The following TASOR variants were observed in gnomAD, a reference collection of about 807,000 sequenced individuals.
The protein encoded by TASOR is transcription activation suppressor.
A neutral mutation model predicts 178.6 loss-of-function variants in TASOR; 53 were observed. The observed-to-expected ratio is 0.30, with a 90% CI of 0.24 to 0.37. The LOEUF is 0.37. TASOR is among the 10% of genes least tolerant of loss of function. The probability of loss-of-function intolerance (pLI) is 1.00; values close to 1 mark genes in which losing one functional copy is unlikely to be tolerated. For missense variants in TASOR, 1,815 were observed against 1,971.4 expected (o/e 0.92, Z 1.50); for synonymous variants, 713 against 696.2 (o/e 1.02, Z -0.38).
intron 15 of TASOR, 63 bp from the exon 16 acceptor site, chr3:56,640,193 CTGT>C: frequency 6.8e-7 from 1 of 1,479,788 alleles, no homozygotes; most frequent in Non-Finnish European, 9.2e-7. Context: ...CAAGAATAAA[CTGT>C]TTTTTCACTG....
chr3:56,622,421 A>G lies in TASOR; in HGVS notation c.*616T>C, dbSNP rs145805444. 946 of 152,670 alleles carry G rather than the reference A, an allele frequency of 6.2e-3. 11 individuals are homozygous for G. Among genetic ancestry groups the G allele is most frequent in the Middle Eastern group, 0.02 (6 of 294 alleles). 9.5% of individuals were successfully genotyped at this position (152,670 alleles called of 1,614,324 possible). A position where few individuals can be genotyped will look rare whatever the true frequency, so the allele number is the denominator to read the frequency against. On this transcript the variant is annotated 3_prime_UTR_variant, in exon 24 of 24. Transcript: ENST00000683822. ...TAAAAAATTTAATTTCATTAAATCAAGGATTGCGCAGGTACTGAAAATTAT... is the reference window on the plus strand; with the variant it reads ...TAAAAAATTTAATTTCATTAAATCAGGGATTGCGCAGGTACTGAAAATTAT...
chr3:56,639,711 C>T (rs1259760388), intron 16 of TASOR, among the ~76,000 whole-genome samples: 2 of 152,324 alleles, frequency 1.3e-5, no homozygotes, highest in South Asian at 2.1e-4. Context: ...CAACAGTCTT[C>T]ATTCAGCAGT....
chr3:56,642,353 A>G (rs2077142072), intron 14 of TASOR, among the ~76,000 whole-genome samples: 1 of 152,242 alleles, frequency 6.6e-6, no homozygotes, highest in African/African-American at 2.4e-5. Flanking sequence ...GAAACACGTT[A>G]AGACATGGTT....
At chr3:56,661,274 G>A (rs1023693102) in intron 9 of TASOR, among the ~76,000 whole-genome samples, 2 of 152,116 alleles carry the variant, frequency 1.3e-5, no homozygotes, top group Non-Finnish European at 2.9e-5. Flanking sequence ...AACCTCCAGG[G>A]CAGCTGGGAC....
At chr3:56,676,408 CTG>C in intron 1 of TASOR, among the ~76,000 whole-genome samples, 1 of 152,118 alleles carries the variant, frequency 6.6e-6, no homozygotes, top group Non-Finnish European at 1.5e-5. Context: ...TCATTCAAAC[CTG>C]TGTTATGGAA....
At position 56,638,711 on chromosome 3, in the gene TASOR, G is replaced by A. The variant is rs751206504; in HGVS notation, c.2819C>T (p.Thr940Ile). The change falls in exon 17 of 24, where the codon ACA becomes ATA. Residue 940 changes from threonine (T) to isoleucine (I), a missense_variant. Around this residue, in one of 5 missense-constraint regions of TASOR, gnomAD observed 655 missense variants for 671.1 expected, o/e 0.98. Coordinates refer to ENST00000683822, the MANE Select transcript of TASOR (RefSeq NM_001365635.2). ...DQLGKHGEKQTPGMKSPEEQL... is the reference protein window; with the variant it reads ...DQLGKHGEKQIPGMKSPEEQL... The stretch of plus-strand genomic sequence containing the variant: ...AGCAAAGCAAGCCTTCTCACCTGGT[G>A]TTTGTTTCTCACCATGTTTCCCCAG... 3 of 1,614,104 alleles carry A rather than the reference G, an allele frequency of 1.9e-6. No homozygotes were observed. The highest frequency in any genetic ancestry group is 8.5e-7 in the Non-Finnish European group (1 of 1,180,002).
chr3:56,654,362 C>A (rs2077423849), intron 11 of TASOR, among the ~76,000 whole-genome samples: 1 of 140,592 alleles, frequency 7.1e-6, no homozygotes, highest in South Asian at 2.6e-4. Flanking sequence ...AAGCCAAACC[C>A]CACAATTTAC....
At position 56,623,515 on chromosome 3, in the gene TASOR, C is replaced by G; in HGVS notation, c.4535G>C (p.Gly1512Ala). 1.6e-5 allele frequency: 25 copies of G among 1,609,062 alleles called. No individual in the cohort carries two copies. Among genetic ancestry groups the G allele is most frequent in the Non-Finnish European group, 2.1e-5 (25 of 1,179,206 alleles). ...TACTTCTATATGTGAGATTTCATCC[C>G]CTGAATCCAGAGACATATCCTCTTC... is the stretch of plus-strand genomic sequence containing the variant. Reference protein sequence around the residue: ...KDEEDMSLDSGDEISHIEVCS... With the variant: ...KDEEDMSLDSADEISHIEVCS... The change falls in exon 24 of 24, where the codon GGG becomes GCG. Residue 1512 changes from glycine (G) to alanine (A), a missense_variant. This residue lies in a region of TASOR where 278 missense variants were observed against 257.1 expected (regional missense o/e 1.08). Transcript: ENST00000683822.
In TASOR at chr3:56,660,566, A is replaced by G. The variant is rs1478046491; in HGVS notation, c.1368+165T>C. On this transcript the variant is annotated intron_variant, in intron 11 of 23. Coordinates refer to ENST00000683822, the MANE Select transcript of TASOR (RefSeq NM_001365635.2). The stretch of plus-strand genomic sequence containing the variant: ...GCTCCAATACCATGGCCCAAATAAA[A>G]GAATACCAGAACCACAGTAAAACAC... Among the ~76,000 whole-genome samples the G allele has an allele frequency of 4.6e-5, 7 of 152,176 alleles. No homozygotes were observed. The East Asian group carries it at 1.3e-3, about 29-fold the overall frequency.
Position 56,646,808 on chromosome 3 carries a change from T to A in TASOR, c.1929A>T (p.Glu643Asp). ...ATTTCATTTTTGTACCATTCATTTC[T>A]TCTTCTTGACCTTCATAATCTGAAA... ...SPLSDYEGQE[E>D]EMNGTKMKFG... The change falls in exon 14 of 24, where the codon GAA (glutamate) becomes GAT (aspartate). Residue 643 changes from glutamate to aspartate, a missense_variant. By Grantham distance (45) the Glu-to-Asp change is conservative (BLOSUM62 2). This residue lies in a region of TASOR where 504 missense variants were observed against 645.3 expected (regional missense o/e 0.78). Transcript: ENST00000683822. 6.2e-7 allele frequency: 1 copy of A among 1,613,426 alleles called. No individual in the cohort carries two copies. Among genetic ancestry groups the A allele is most frequent in the Non-Finnish European group, 8.5e-7 (1 of 1,179,878 alleles).
At chr3:56,660,134 T>A (rs576077014) in intron 11 of TASOR, among the ~76,000 whole-genome samples, 1 of 152,028 alleles carries the variant, frequency 6.6e-6, no homozygotes, top group African/African-American at 2.4e-5. Context: ...GTGCTGGGAT[T>A]ACAGGCGTGA....
At chr3:56,670,796 G>C (rs1578289035) in intron 3 of TASOR, among the ~76,000 whole-genome samples, 1 of 151,266 alleles carries the variant, frequency 6.6e-6, no homozygotes, top group East Asian at 2.0e-4. Context: ...AAATTAGCCG[G>C]GTGCGGTGGC....
intron 14 of TASOR, among the ~76,000 whole-genome samples, chr3:56,644,704 C>A (rs898722938): frequency 1.3e-5 from 2 of 151,996 alleles, no homozygotes; most frequent in Non-Finnish European, 2.9e-5. Flanking sequence ...GGTAGTAAGT[C>A]AGGAAGGCCA....
rs1258059719 is a variant in TASOR, at chr3:56,653,279, AAAAAAAAAAAG to A, written c.1369-4233_1369-4223del. On this transcript the variant is annotated intron_variant, in intron 11 of 23. Transcript: ENST00000683822. ...CTCCATCTCAAAAAAAAAAAAAAAAAAAAAAAAAAAGAAAAGACAAGCTAAAGAAAATGAGG... is the reference window on the plus strand; with the variant it reads ...CTCCATCTCAAAAAAAAAAAAAAAAAAAAAGACAAGCTAAAGAAAATGAGG... Among the ~76,000 whole-genome samples, 73 of 108,520 alleles carry A rather than the reference AAAAAAAAAAAG, an allele frequency of 6.7e-4. 6 individuals carry two copies. Among genetic ancestry groups the A allele is most frequent in the African/African-American group, 1.9e-3 (33 of 17,778 alleles). 71.2% of individuals were successfully genotyped at this position (108,520 alleles called of 152,430 possible).
intron 1 of TASOR, among the ~76,000 whole-genome samples, chr3:56,677,954 C>T (rs1365995572): frequency 6.6e-6 from 1 of 152,092 alleles, no homozygotes; most frequent in Admixed American, 6.6e-5. Flanking sequence ...GTCAGAAGAA[C>T]AGCTAAGTTG....
chr3:56,670,180 A>G, intron 3 of TASOR, 35 bp from the exon 4 acceptor site: 5 of 1,255,864 alleles, frequency 4.0e-6, no homozygotes, highest in Non-Finnish European at 5.5e-6. Context: ...TCTTGCAGTC[A>G]TAACAACATT....
chr3:56,642,496 G>C (rs763350234), intron 14 of TASOR, among the ~76,000 whole-genome samples: 80 of 152,136 alleles, frequency 5.3e-4, no homozygotes, highest in Non-Finnish European at 4.4e-4. Context: ...GCCTGAGTTA[G>C]GATTTCAAAT....
rs2076826954 is a variant in TASOR at position 56,627,596 on chromosome 3, T to C, written c.4016A>G (p.Glu1339Gly). The change falls in exon 20 of 24, where the codon GAG becomes GGG. Residue 1339 changes from glutamate (E) to glycine (G), a missense_variant. By Grantham distance (98) the Glu-to-Gly change is moderately conservative. This residue lies in a region of TASOR where 134 missense variants were observed against 195.2 expected (regional missense o/e 0.69). Transcript: ENST00000683822. Reference sequence around the variant, plus strand: ...CATCATCTTACCAACTGTGACAACCTCTGGGTTTAGAATTGATTCATCAGA... The same window carrying C: ...CATCATCTTACCAACTGTGACAACCCCTGGGTTTAGAATTGATTCATCAGA... ...IVSDESILNP[E>G]VVTVENLKNF... 1 of 1,613,928 alleles carries C rather than the reference T, an allele frequency of 6.2e-7. No homozygotes were observed. The highest frequency in any genetic ancestry group is 1.7e-5 in the Admixed American group (1 of 60,000).
chr3:56,682,569 T>C (rs1578319031), intron 1 of TASOR, 107 bp downstream of exon 1: 2 of 1,040,040 alleles, frequency 1.9e-6, no homozygotes, highest in African/African-American at 1.7e-5. Flanking sequence ...CGGCGCTGCA[T>C]GCGTGTTTAC....
Sources: allele counts gnomAD v4.1 joint callset (sites outside exome capture counted in the v4.1 genomes callset), GRCh38; gene constraint gnomAD v4.1.1; regional missense constraint gnomAD v4.1.1; transcripts MANE v1.5; gene names NCBI Gene and HGNC (gene_info 2026-07-23, HGNC 2026-07-21).